The following NAALADL2 variants were observed in gnomAD, a reference collection of about 807,000 sequenced individuals.
NAALADL2 encodes inactive N-acetylated-alpha-linked acidic dipeptidase-like protein 2.
A neutral mutation model predicts 87.2 loss-of-function variants in NAALADL2; 76 were observed. The ratio of observed to expected loss-of-function variants is 0.87; its 90% CI spans 0.72 to 1.05. The LOEUF (loss-of-function observed/expected upper bound fraction) is 1.05. Ranked by LOEUF, NAALADL2 falls within the 50% of genes least tolerant of loss-of-function variation. The probability of loss-of-function intolerance (pLI) is 0.00; values close to 1 mark genes in which losing one functional copy is unlikely to be tolerated. For missense variants in NAALADL2, 1,089 were observed against 945.8 expected, an observed-to-expected ratio of 1.15 and a Z score of -1.99; for synonymous variants, 354 against 331.0, an observed-to-expected ratio of 1.07 and a Z score of -0.75.
intron 2 of NAALADL2, among the ~76,000 whole-genome samples, chr3:175,105,836 A>AT (rs1723059064): frequency 1.3e-5 from 2 of 151,990 alleles, no homozygotes; most frequent in African/African-American, 4.8e-5. Context: ...ATAGTTTTTA[A>AT]TGACATTCTG....
chr3:175,758,048 G>A (rs978280317), intron 13 of NAALADL2, among the ~76,000 whole-genome samples: 10 of 151,928 alleles, frequency 6.6e-5, no homozygotes, highest in South Asian at 4.1e-4. Flanking sequence ...TCTAAATTAT[G>A]CATCTGGTAA....
At chr3:175,766,411 C>A (rs1748686353) in intron 13 of NAALADL2, among the ~76,000 whole-genome samples, 1 of 152,072 alleles carries the variant, frequency 6.6e-6, no homozygotes, top group South Asian at 2.1e-4. Context: ...ACTTAACTTC[C>A]ATGACATTTA....
At chr3:175,040,849 T>A (rs12636705) in intron 1 of NAALADL2, among the ~76,000 whole-genome samples, 33,223 of 152,048 alleles carry the variant, frequency 0.22, 3,814 homozygotes, top group East Asian at 0.38. Flanking sequence ...CTGCACTAAG[T>A]TATACAGAAC....
At chr3:175,473,156 C>T (rs865975353) in intron 9 of NAALADL2, among the ~76,000 whole-genome samples, 1 of 152,080 alleles carries the variant, frequency 6.6e-6, no homozygotes, top group African/African-American at 2.4e-5. Context: ...GAATATAATG[C>T]TATTTAAAAT....
At chr3:175,309,177 T>C (rs1758047311) in intron 4 of NAALADL2, among the ~76,000 whole-genome samples, 1 of 152,096 alleles carries the variant, frequency 6.6e-6, no homozygotes, top group African/African-American at 2.4e-5. Flanking sequence ...ATGTAATAAA[T>C]CATGTATCTT....
chr3:175,699,166 C>A (rs1356242364), intron 11 of NAALADL2, among the ~76,000 whole-genome samples: 1 of 151,896 alleles, frequency 6.6e-6, no homozygotes, highest in Non-Finnish European at 1.5e-5. Context: ...TTCAGCTGAG[C>A]AAATTTTTGC....
chr3:175,751,108 G>A (rs1231144066), intron 12 of NAALADL2, among the ~76,000 whole-genome samples: 1 of 151,970 alleles, frequency 6.6e-6, no homozygotes, highest in African/African-American at 2.4e-5. Context: ...TAATAAATCA[G>A]CATGTTCTAC....
chr3:175,022,866 C>G (rs541517801), intron 1 of NAALADL2, among the ~76,000 whole-genome samples: 1 of 152,070 alleles, frequency 6.6e-6, no homozygotes, highest in African/African-American at 2.4e-5. Context: ...TGTGAAGTGT[C>G]TACCTAAAGT....
At chr3:175,181,718 T>TTTGTGTATATGC (rs1553802465) in intron 2 of NAALADL2, among the ~76,000 whole-genome samples, 1 of 72,416 alleles carries the variant, frequency 1.4e-5, no homozygotes, top group Non-Finnish European at 2.9e-5. Context: ...TGTGTGTGTG[T>TTTGTGTATATGC]ATATATATGT....
chr3:174,737,271 G>C (rs550897360), intron 2 of NAALADL2, among the ~76,000 whole-genome samples: 1 of 152,212 alleles, frequency 6.6e-6, no homozygotes, highest in African/African-American at 2.4e-5. Flanking sequence ...AAAGTGCTTG[G>C]ATTACAGGTG....
intron 4 of NAALADL2, among the ~76,000 whole-genome samples, chr3:175,271,843 T>C (rs1184832081): frequency 9.9e-5 from 15 of 152,182 alleles, no homozygotes; most frequent in Non-Finnish European, 1.5e-5. Flanking sequence ...TTGTGCAAAG[T>C]ATATTAAGAT....
At position 175,467,048 on chromosome 3, in the gene NAALADL2, G is replaced by A; in HGVS notation, c.1397G>A (p.Ser466Asn). 6.2e-7 allele frequency: 1 copy of A among 1,613,848 alleles called. No individual in the cohort carries two copies. Among genetic ancestry groups the A allele is most frequent in the Non-Finnish European group, 8.5e-7 (1 of 1,179,804 alleles). Residue 466 changes from serine (S) to asparagine (N), a missense_variant, in exon 8 of 14, where the codon AGT becomes AAT. Transcript: ENST00000454872. ...TATAATGGACAAGAATGGGCCAGTA[G>A]TACTGCAATAATCACAGCGTTTATC... ...HSYNGQEWAS[S>N]TAIITAFIRA... is the part of the protein sequence containing the mutation.
At chr3:175,791,219 G>A (rs369452867) in intron 13 of NAALADL2, among the ~76,000 whole-genome samples, 5 of 152,310 alleles carry the variant, frequency 3.3e-5, no homozygotes, top group Admixed American at 6.5e-5. Flanking sequence ...GAATCCTGTG[G>A]AAATACACTT....
chr3:175,203,468 G>C (rs1002257623), intron 2 of NAALADL2, among the ~76,000 whole-genome samples: 10 of 152,256 alleles, frequency 6.6e-5, no homozygotes, highest in African/African-American at 2.2e-4. Flanking sequence ...CCACTTCCAC[G>C]GCAGGAGCAC....
chr3:174,502,854 C>G (rs982182524), intron 1 of NAALADL2, among the ~76,000 whole-genome samples: 2 of 151,900 alleles, frequency 1.3e-5, no homozygotes, highest in African/African-American at 4.8e-5. Context: ...CATGGTGAAA[C>G]CCCGTCTCTA....
At chr3:175,705,509 C>T (rs370660916) in intron 11 of NAALADL2, among the ~76,000 whole-genome samples, 1 of 150,700 alleles carries the variant, frequency 6.6e-6, no homozygotes, top group Non-Finnish European at 1.5e-5. Flanking sequence ...TTGCTTTTCT[C>T]ATCCTAAAGA....
At chr3:175,789,895 T>G (rs1032799898) in intron 13 of NAALADL2, among the ~76,000 whole-genome samples, 1 of 152,058 alleles carries the variant, frequency 6.6e-6, no homozygotes, top group African/African-American at 2.4e-5. Flanking sequence ...AAAATACAAA[T>G]GCATTTTGTT....
chr3:175,142,068 G>A (rs1024936355), intron 2 of NAALADL2, among the ~76,000 whole-genome samples: 3 of 151,962 alleles, frequency 2.0e-5, no homozygotes, highest in Admixed American at 6.6e-5. Flanking sequence ...AACTACCCTC[G>A]ACCTCATGCC....
At chr3:175,101,755 G>C (rs1309135085) in intron 2 of NAALADL2, among the ~76,000 whole-genome samples, 1 of 152,136 alleles carries the variant, frequency 6.6e-6, no homozygotes, top group African/African-American at 2.4e-5. Flanking sequence ...GTTTATTTTT[G>C]AAGGCAGGAA....
Sources: gnomAD v4.1 joint callset for allele counts (sites outside exome capture counted in the v4.1 genomes callset) on GRCh38, gnomAD v4.1.1 for gene constraint, MANE v1.5 for transcripts, NCBI Gene and HGNC (gene_info 2026-07-23, HGNC 2026-07-21) for gene names.